TTC39C: variants seen among roughly 807,000 people sequenced by gnomAD.
TTC39C encodes the protein tetratricopeptide repeat protein 39C.
In TTC39C, 33 loss-of-function variants were observed where a neutral mutation model predicts 76.3. The observed-to-expected ratio is 0.43, with a 90% CI of 0.33 to 0.58. The LOEUF (loss-of-function observed/expected upper bound fraction) is 0.58, where lower values mean the gene tolerates loss of function less well. Among genes scored for constraint, TTC39C ranks in the 20% least tolerant of loss-of-function variants. The probability of loss-of-function intolerance (pLI) is 0.04; values close to 1 mark genes in which losing one functional copy is unlikely to be tolerated. For synonymous variants in TTC39C, 254 were observed against 260.6 expected (o/e 0.97, Z 0.24); for missense variants, 595 against 701.4 (o/e 0.85, Z 1.71).
chr18:24,001,833 T>TTTTGGC (rs1352560242), intron 1 of TTC39C, among the ~76,000 whole-genome samples: 4 of 25,272 alleles, frequency 1.6e-4, no homozygotes, highest in Non-Finnish European at 5.8e-4. Flanking sequence ...GTTTTTTTTT[T>TTTTGGC]TTTTTTTTTT....
chr18:24,052,466 T>G (rs879483758), intron 1 of TTC39C, among the ~76,000 whole-genome samples: 9 of 152,216 alleles, frequency 5.9e-5, no homozygotes, highest in Admixed American at 5.9e-4. Context: ...AAGGTCACTT[T>G]TTATTCATTT....
chr18:24,103,943 T>TTTTG (rs1555776461), intron 6 of TTC39C, among the ~76,000 whole-genome samples: 2 of 151,576 alleles, frequency 1.3e-5, no homozygotes, highest in African/African-American at 4.9e-5. Flanking sequence ...TTTTTTTTTT[T>TTTTG]TTGTTTGAGA....
At chr18:24,001,046 T>C (rs897500944) in intron 1 of TTC39C, among the ~76,000 whole-genome samples, 5 of 152,030 alleles carry the variant, frequency 3.3e-5, no homozygotes, top group Admixed American at 2.6e-4. Flanking sequence ...CTAGAACCTA[T>C]GTAAAATGTA....
At chr18:24,021,608 C>T (rs1033242131) in intron 1 of TTC39C, among the ~76,000 whole-genome samples, 2 of 143,922 alleles carry the variant, frequency 1.4e-5, no homozygotes, top group African/African-American at 2.6e-5. Flanking sequence ...TGCAATGGCA[C>T]GATCTTGGCT....
intron 6 of TTC39C, among the ~76,000 whole-genome samples, chr18:24,084,810 C>T (rs73404259): frequency 4.0e-5 from 6 of 151,876 alleles, no homozygotes; most frequent in African/African-American, 1.2e-4. Flanking sequence ...TACTGCTGTG[C>T]GACACCATGC....
intron 6 of TTC39C, among the ~76,000 whole-genome samples, chr18:24,089,494 T>C (rs1255822016): frequency 6.6e-6 from 1 of 152,152 alleles, no homozygotes; most frequent in Non-Finnish European, 1.5e-5. Flanking sequence ...TCTAATTTGG[T>C]GTAGAGGATA....
In TTC39C at chr18:24,066,042, A is replaced by G; in HGVS notation, c.247A>G (p.Met83Val). 6.3e-7 allele frequency: 1 copy of G among 1,599,922 alleles called. No homozygotes were observed. Among genetic ancestry groups the G allele is most frequent in the Non-Finnish European group, 8.5e-7 (1 of 1,175,894 alleles). ...NAMMTFEEEK[M>V]QLACDDLKTT... is the part of the protein sequence containing the mutation. ...CATGATGACATTTGAGGAAGAAAAA[A>G]TGCAGTTGGCATGTGATGACTTAAA... The change falls in exon 3 of 14, where the codon ATG becomes GTG. Residue 83 changes from methionine to valine, a missense_variant. Transcript: ENST00000317571.
At chr18:24,089,105 G>T (rs764031217) in intron 6 of TTC39C, among the ~76,000 whole-genome samples, 1 of 152,160 alleles carries the variant, frequency 6.6e-6, no homozygotes, top group Non-Finnish European at 1.5e-5. Context: ...GACCCCTTTG[G>T]TGATTTATTT....
chr18:24,130,950 G>C (rs2085119419), intron 12 of TTC39C, among the ~76,000 whole-genome samples: 1 of 140,914 alleles, frequency 7.1e-6, no homozygotes, highest in East Asian at 2.2e-4. Flanking sequence ...TTGGGAGGCT[G>C]AGGTGGGAGT....
intron 6 of TTC39C, among the ~76,000 whole-genome samples, chr18:24,100,761 A>G (rs1183652583): frequency 6.6e-6 from 1 of 152,234 alleles, no homozygotes; most frequent in Non-Finnish European, 1.5e-5. Context: ...GCAGTTTGAA[A>G]GAGGTGGGAG....
At chr18:24,021,507 T>C (rs1378161886) in intron 1 of TTC39C, among the ~76,000 whole-genome samples, 1 of 151,992 alleles carries the variant, frequency 6.6e-6, no homozygotes, top group African/African-American at 2.4e-5. Flanking sequence ...GATTTGATGA[T>C]TGAGCTGGGG....
chr18:24,080,774 G>A lies in TTC39C; in HGVS notation c.650G>A (p.Gly217Asp). The A allele has an allele frequency of 5.6e-6, 9 of 1,614,116 alleles. No individual in the cohort carries two copies. Among genetic ancestry groups the A allele is most frequent in the Non-Finnish European group, 7.6e-6 (9 of 1,180,022 alleles). ...GAGGAGTCTCTGAACAGACTGAAAG[G>A]TGCTGTTAGCTTTGGATATGGCCTT... ...VSEESLNRLK[G>D]AVSFGYGLFH... Residue 217 changes from glycine to aspartate, a missense_variant, in exon 5 of 14, where the codon GGT becomes GAT. By Grantham distance (94) the Gly-to-Asp change is moderately conservative. Coordinates refer to ENST00000317571, the MANE Select transcript of TTC39C (RefSeq NM_001135993.2).
chr18:24,113,884 G>T (rs1550710), intron 6 of TTC39C: 1 of 555,338 alleles, frequency 1.8e-6, no homozygotes, highest in South Asian at 2.0e-5. Context: ...GTGAATGAAA[G>T]TGTTGGAAAT....
intron 1 of TTC39C, among the ~76,000 whole-genome samples, chr18:24,031,226 G>A (rs2083665644): frequency 6.6e-6 from 1 of 151,766 alleles, no homozygotes; most frequent in African/African-American, 2.4e-5. Context: ...CCAAAGTGCT[G>A]GGATTACAGG....
At chr18:24,077,382 A>G (rs2084320423) in intron 4 of TTC39C, 3 of 152,206 alleles carry the variant, frequency 2.0e-5, no homozygotes, top group Admixed American at 1.3e-4. Context: ...TAATTTATTT[A>G]TGTGTTTACT....
chr18:24,068,023 C>G (rs886310051), intron 3 of TTC39C, among the ~76,000 whole-genome samples: 3 of 152,114 alleles, frequency 2.0e-5, no homozygotes, highest in African/African-American at 7.2e-5. Flanking sequence ...CCCATAGTTC[C>G]CTGTCCTTAC....
Position 24,023,947 on chromosome 18 carries a change from CATGTA to C in TTC39C, c.167+8910_167+8914del, listed in dbSNP as rs2083549063. 3.1e-5 allele frequency among the ~76,000 whole-genome samples: 2 copies of C among 64,084 alleles called. 1 individual carries two copies. The highest frequency in any genetic ancestry group is 5.1e-5 in the Non-Finnish European group (2 of 39,126). The allele number at this position is 64,084 out of a possible 152,430, so 42.0% of individuals were successfully genotyped here. On this transcript the variant is annotated intron_variant, in intron 1 of 13. Coordinates refer to ENST00000317571, the MANE Select transcript of TTC39C (RefSeq NM_001135993.2). ...AAATAAAATTACATATATATATATG[CATGTA>C]TATATATATATATATATATATATAT...
At chr18:24,070,880 G>C (rs1169178276) in intron 4 of TTC39C, among the ~76,000 whole-genome samples, 1 of 152,028 alleles carries the variant, frequency 6.6e-6, no homozygotes, top group Non-Finnish European at 1.5e-5. Context: ...GAGAGAGGAG[G>C]ATAAAGCAAA....
rs185027528 is a variant in TTC39C, at chr18:24,127,694, A to G, written c.1421-1192A>G. On this transcript the variant is annotated intron_variant, in intron 10 of 13. Transcript: ENST00000317571. ...CACTACACCCAGCTATTAAAAAAAA[A>G]TTGTAGAGATGGGGTCTTGCCATGT... Among the ~76,000 whole-genome samples the G allele has an allele frequency of 2.5e-4, 38 of 152,108 alleles. 3 individuals are homozygous for G. The East Asian group carries it at 6.8e-3, about 27-fold the overall frequency.
Sources: gnomAD v4.1 joint callset for allele counts (sites outside exome capture counted in the v4.1 genomes callset) on GRCh38, gnomAD v4.1.1 for gene constraint, MANE v1.5 for transcripts, NCBI Gene and HGNC (gene_info 2026-07-23, HGNC 2026-07-21) for gene names.